The following STK39 variants were observed in gnomAD, a reference collection of about 807,000 sequenced individuals.
STK39 encodes STE20/SPS1-related proline-alanine-rich protein kinase.
A neutral mutation model predicts 77.8 loss-of-function variants in STK39; 20 were observed. The ratio of observed to expected loss-of-function variants is 0.26; its 90% confidence interval spans 0.18 to 0.37. The LOEUF (loss-of-function observed/expected upper bound fraction) is 0.37. Ranked by LOEUF, STK39 falls within the 10% of genes least tolerant of loss-of-function variation. STK39 has a pLI of 1.00. For synonymous variants in STK39, 246 were observed against 234.1 expected, an observed-to-expected ratio of 1.05 and a Z score of -0.47; for missense variants, 479 against 656.5, an observed-to-expected ratio of 0.73 and a Z score of 2.95.
At position 168,140,398 on chromosome 2, in the gene STK39, AG is replaced by A; in HGVS notation, c.739-9del. 6.2e-7 allele frequency: 1 copy of A among 1,612,326 alleles called. No homozygotes were observed. The highest frequency in any genetic ancestry group is 8.5e-7 in the Non-Finnish European group (1 of 1,178,398). ...GAAGTCATAGCCTCTCACCTAAGAA[AG>A]AAAGCAGGAAAAAAACACAATCATA... On this transcript the variant is annotated splice_polypyrimidine_tract_variant and intron_variant, in intron 6 of 17. Transcript: ENST00000355999.
At chr2:167,965,231 A>C (rs115225227) in intron 16 of STK39, among the ~76,000 whole-genome samples, 5,678 of 152,276 alleles carry the variant, frequency 0.037, 373 homozygotes, top group African/African-American at 0.13. Context: ...ATTTTTATCA[A>C]GGCAACAAAA....
intron 1 of STK39, among the ~76,000 whole-genome samples, chr2:168,201,375 T>C (rs1689608035): frequency 6.6e-6 from 1 of 152,232 alleles, no homozygotes; most frequent in African/African-American, 2.4e-5. Context: ...AGACCCAGCA[T>C]AGAGAAGCAC....
At chr2:168,236,196 T>C (rs951871944) in intron 1 of STK39, among the ~76,000 whole-genome samples, 1 of 152,226 alleles carries the variant, frequency 6.6e-6, no homozygotes, top group Non-Finnish European at 1.5e-5. Context: ...TGCATTTCTC[T>C]GATAGCCAGC....
chr2:168,170,594 T>A (rs1030725827), intron 2 of STK39, among the ~76,000 whole-genome samples: 1 of 152,190 alleles, frequency 6.6e-6, no homozygotes, highest in African/African-American at 2.4e-5. Flanking sequence ...GGCTTCCATG[T>A]GATGCTGATG....
chr2:168,040,909 G>A (rs1685087004), intron 14 of STK39, among the ~76,000 whole-genome samples: 1 of 152,162 alleles, frequency 6.6e-6, no homozygotes, highest in South Asian at 2.1e-4. Context: ...TACATAAAGT[G>A]ACGTTTCTCT....
At chr2:168,058,528 A>C (rs946279396) in intron 14 of STK39, among the ~76,000 whole-genome samples, 3 of 152,210 alleles carry the variant, frequency 2.0e-5, no homozygotes, top group Non-Finnish European at 2.9e-5. Context: ...CATCTTTGAA[A>C]TCATGCATCT....
intron 1 of STK39, among the ~76,000 whole-genome samples, chr2:168,207,695 T>C (rs1011242835): frequency 6.6e-6 from 1 of 152,232 alleles, no homozygotes; most frequent in Non-Finnish European, 1.5e-5. Context: ...AACATGACAA[T>C]GATGCTAATG....
At chr2:168,099,875 T>C (rs534042500) in intron 10 of STK39, among the ~76,000 whole-genome samples, 1 of 152,286 alleles carries the variant, frequency 6.6e-6, no homozygotes, top group South Asian at 2.1e-4. Flanking sequence ...CAATGCAATT[T>C]CAAAAAGTTA....
At chr2:167,964,747 G>A in intron 16 of STK39, 21 bp from the exon 17 acceptor site, 1 of 1,590,896 alleles carries the variant, frequency 6.3e-7, no homozygotes, top group Non-Finnish European at 8.6e-7. Context: ...TAAACGTAGA[G>A]AGAAAGTTTC....
At chr2:168,237,626 C>A (rs779027150) in intron 1 of STK39, among the ~76,000 whole-genome samples, 2 of 152,084 alleles carry the variant, frequency 1.3e-5, no homozygotes, top group Non-Finnish European at 2.9e-5. Flanking sequence ...CCCATCAATA[C>A]CTAATTTATT....
chr2:168,052,796 G>C (rs1685430897), intron 14 of STK39, among the ~76,000 whole-genome samples: 1 of 152,168 alleles, frequency 6.6e-6, no homozygotes. Context: ...GCTTTCGAAG[G>C]AAGTATCCAA....
chr2:168,150,463 T>C (rs902939334), intron 5 of STK39, among the ~76,000 whole-genome samples: 2 of 152,106 alleles, frequency 1.3e-5, no homozygotes, highest in Non-Finnish European at 2.9e-5. Flanking sequence ...CTTTGTTAAG[T>C]GCATGAAAAT....
At chr2:168,151,206 C>T (rs1341138328) in intron 5 of STK39, among the ~76,000 whole-genome samples, 5 of 152,180 alleles carry the variant, frequency 3.3e-5, no homozygotes, top group African/African-American at 4.8e-5. Flanking sequence ...TTCTTTGAAA[C>T]ATCAGAGAAT....
chr2:168,086,147 G>A (rs1686361130), intron 10 of STK39, among the ~76,000 whole-genome samples: 1 of 152,178 alleles, frequency 6.6e-6, no homozygotes, highest in African/African-American at 2.4e-5. Context: ...TAACGATGGT[G>A]ATAAGGGATT....
chr2:167,994,592 T>A (rs574709578), intron 16 of STK39, among the ~76,000 whole-genome samples: 2 of 152,108 alleles, frequency 1.3e-5, no homozygotes, highest in Non-Finnish European at 1.5e-5. Context: ...AAGCAGTCAC[T>A]CCCCCATTCC....
intron 10 of STK39, among the ~76,000 whole-genome samples, chr2:168,099,186 C>T (rs1284158757): frequency 6.6e-6 from 1 of 152,158 alleles, no homozygotes; most frequent in Non-Finnish European, 1.5e-5. Flanking sequence ...CAGCCAAGCC[C>T]CAGAACCAAG....
chr2:168,039,121 G>GA (rs1234669374), intron 14 of STK39, among the ~76,000 whole-genome samples: 10 of 150,418 alleles, frequency 6.6e-5, no homozygotes, highest in Admixed American at 1.3e-4. Flanking sequence ...AGTAAAAACT[G>GA]AAAAAAAATC....
chr2:168,187,293 G>C (rs1477742605), intron 1 of STK39, among the ~76,000 whole-genome samples: 1 of 151,652 alleles, frequency 6.6e-6, no homozygotes, highest in African/African-American at 2.4e-5. Context: ...AGAGGCTGCA[G>C]TGAGCTGAGA....
intron 10 of STK39, among the ~76,000 whole-genome samples, chr2:168,082,633 G>T (rs181209774): frequency 1.3e-5 from 2 of 152,030 alleles, no homozygotes; most frequent in African/African-American, 2.4e-5. Flanking sequence ...CTGCCTCCAC[G>T]ATAAATGTGA....
Sources: allele counts gnomAD v4.1 joint callset (sites outside exome capture counted in the v4.1 genomes callset), GRCh38; gene constraint gnomAD v4.1.1; transcripts MANE v1.5; gene names NCBI Gene and HGNC (gene_info 2026-07-23, HGNC 2026-07-21).